Variants in C1QBP observed in about 807,000 individuals in gnomAD.
C1QBP encodes complement C1q binding protein.
A neutral mutation model predicts 29.4 loss-of-function variants in C1QBP; 24 were observed. That is an observed-to-expected ratio of 0.82 (90% CI 0.59 to 1.15). The LOEUF (loss-of-function observed/expected upper bound fraction) is 1.15. C1QBP is among the 50% of genes most tolerant of loss of function. C1QBP has a pLI of 0.00. For missense variants in C1QBP, 337 were observed against 355.8 expected (o/e 0.95, Z 0.43); for synonymous variants, 182 against 149.2 (o/e 1.22, Z -1.60).
rs191918725 is a variant in C1QBP at position 5,435,825 on chromosome 17, C to T, written c.384-859G>A. Reference sequence around the variant, plus strand: ...TGGGCAGATCACGAGGTCAAGAGATCGAGACCATCCTGGCCAACACGATGA... The same window carrying T: ...TGGGCAGATCACGAGGTCAAGAGATTGAGACCATCCTGGCCAACACGATGA... On this transcript the variant is annotated intron_variant, in intron 2 of 5. Transcript: ENST00000225698. Among the ~76,000 whole-genome samples, 1,027 of 140,412 alleles carry T rather than the reference C, an allele frequency of 7.3e-3. 8 individuals carry two copies. The highest frequency in any genetic ancestry group is 0.026 in the African/African-American group (933 of 35,456). The allele number at this position is 140,412 out of a possible 152,430, so 92.1% of individuals were successfully genotyped here. A position where few individuals can be genotyped will look rare whatever the true frequency, so the allele number is the denominator to read the frequency against.
intron 1 of C1QBP, 179 bp from the exon 2 acceptor site, chr17:5,438,452 C>G (rs2151678079): frequency 1.2e-6 from 1 of 845,362 alleles, no homozygotes; most frequent in East Asian, 2.7e-5. Flanking sequence ...GAAGCTGAGC[C>G]TGATTCTGGA....
At position 5,439,098 on chromosome 17, in the gene C1QBP, C is replaced by CAGAT; in HGVS notation, c.-29_-26dup. On this transcript the variant is annotated 5_prime_UTR_variant, in exon 1 of 6. Transcript: ENST00000225698. ...TCGCGGAAACGACTGCGAACACGTG[C>CAGAT]AGATGCAAAGGACAACCCAGGCCTA... is the stretch of plus-strand genomic sequence containing the variant. 1 of 1,540,332 alleles carries CAGAT rather than the reference C, an allele frequency of 6.5e-7. No individual in the cohort carries two copies. The highest frequency in any genetic ancestry group is 1.2e-5 in the South Asian group (1 of 83,836).
In C1QBP at chr17:5,434,804, GCTC is replaced by G. The variant is rs1050612854; in HGVS notation, c.477+66_477+68del. ...TTTTTTTGAAAGACCAAAGAAAAACGCTCCTCCTCTAAGCCCCAGGCACAGCCT... is the reference window on the plus strand; with the variant it reads ...TTTTTTTGAAAGACCAAAGAAAAACGCTCCTCTAAGCCCCAGGCACAGCCT... On this transcript the variant is annotated intron_variant, in intron 3 of 5. Coordinates refer to ENST00000225698, the MANE Select transcript of C1QBP (RefSeq NM_001212.4). 9.8e-5 allele frequency: 136 copies of G among 1,388,066 alleles called. No homozygotes were observed. The East Asian group carries it at 3.0e-3, about 30-fold the overall frequency. 86.0% of individuals were successfully genotyped at this position (1,388,066 alleles called of 1,614,324 possible).
In C1QBP at chr17:5,438,109, A is replaced by C. The variant is rs760230628; in HGVS notation, c.383+14T>G. 9 of 1,610,378 alleles carry C rather than the reference A, an allele frequency of 5.6e-6. No individual in the cohort carries two copies. The highest frequency in any genetic ancestry group is 1.7e-6 in the Non-Finnish European group (2 of 1,178,936). ...AGGGAGTTGCTGCCCTGGGATCCCC[A>C]GACCAGTACTTACTTTTCCCCGGCA... is the stretch of plus-strand genomic sequence containing the variant. On this transcript the variant is annotated intron_variant, in intron 2 of 5. Transcript: ENST00000225698.
chr17:5,435,529 C>T (rs1227138606), intron 2 of C1QBP, among the ~76,000 whole-genome samples: 1 of 151,956 alleles, frequency 6.6e-6, no homozygotes, highest in African/African-American at 2.4e-5. Flanking sequence ...AGAACAAGGG[C>T]TGTAGTAGAG....
In C1QBP at chr17:5,433,349, C is replaced by T. The variant is rs115819590; in HGVS notation, c.643G>A (p.Gly215Ser). ...TTAGTATCCTTCCATTCAGACTCGC[C>T]AGTGGACTGAAAGCTAACTTCCCTG... ...SIREVSFQST[G>S]ESEWKDTNYT... The change falls in exon 5 of 6, where the codon GGC becomes AGC. Residue 215 changes from glycine to serine, a missense_variant. Gly to Ser is a moderately conservative substitution (Grantham distance 56). Coordinates refer to ENST00000225698, the MANE Select transcript of C1QBP (RefSeq NM_001212.4). 30 of 1,614,140 alleles carry T rather than the reference C, an allele frequency of 1.9e-5. No individual in the cohort carries two copies. In the African/African-American group the frequency reaches 3.9e-4, roughly 21 times the overall value.
chr17:5,438,480 T>C (rs1402449290), intron 1 of C1QBP: 1 of 726,276 alleles, frequency 1.4e-6, no homozygotes, highest in Non-Finnish European at 2.2e-6. Context: ...TTTCCAACAA[T>C]GAACGCATTA....
intron 2 of C1QBP, among the ~76,000 whole-genome samples, chr17:5,435,874 C>CAAA (rs200057698): frequency 9.5e-6 from 1 of 105,644 alleles, no homozygotes; most frequent in Admixed American, 1.0e-4. Flanking sequence ...CTAAAAAATA[C>CAAA]AAAAAAAAAA....
chr17:5,435,516 C>CA (rs767351743), intron 2 of C1QBP, among the ~76,000 whole-genome samples: 7 of 152,052 alleles, frequency 4.6e-5, no homozygotes, highest in Middle Eastern at 3.4e-3. Flanking sequence ...GAATGCCTCA[C>CA]AAAGAACAAG....
chr17:5,434,794 A>T, intron 3 of C1QBP, 79 bp downstream of exon 3: 1 of 1,352,038 alleles, frequency 7.4e-7, no homozygotes, highest in Admixed American at 2.0e-5. Flanking sequence ...TTGAAAGACC[A>T]AAGAAAAACG....
Position 5,438,253 on chromosome 17 carries a change from A to T in C1QBP, c.253T>A (p.Phe85Ile). ...TCCTCCTTAATTTCATCACTCAGGA[A>T]ATCAACAAAAGCTTTGTCTCCTAGA... ...HTDGDKAFVDFLSDEIKEERK... is the reference protein window; with the variant it reads ...HTDGDKAFVDILSDEIKEERK... The change falls in exon 2 of 6, where the codon TTC becomes ATC. Residue 85 changes from phenylalanine to isoleucine, a missense_variant. Coordinates refer to ENST00000225698, the MANE Select transcript of C1QBP (RefSeq NM_001212.4). 6.2e-7 allele frequency: 1 copy of T among 1,614,074 alleles called. No individual in the cohort carries two copies. Among genetic ancestry groups the T allele is most frequent in the Non-Finnish European group, 8.5e-7 (1 of 1,179,996 alleles).
chr17:5,439,083 G>A lies in C1QBP; in HGVS notation c.-10C>T. On this transcript the variant is annotated 5_prime_UTR_variant, in exon 1 of 6. Transcript: ENST00000225698. ...GCAGCAGAGGCAGCATCGCGGAAACGACTGCGAACACGTGCAGATGCAAAG... is the reference window on the plus strand; with the variant it reads ...GCAGCAGAGGCAGCATCGCGGAAACAACTGCGAACACGTGCAGATGCAAAG... The A allele has an allele frequency of 6.5e-7, 1 of 1,540,272 alleles. No individual in the cohort carries two copies. The highest frequency in any genetic ancestry group is 8.7e-7 in the Non-Finnish European group (1 of 1,143,246).
intron 2 of C1QBP, among the ~76,000 whole-genome samples, chr17:5,435,736 A>C (rs770806187): frequency 6.6e-6 from 1 of 152,016 alleles, no homozygotes; most frequent in African/African-American, 2.4e-5. Flanking sequence ...ATTCCACACA[A>C]GAGTACATGA....
intron 1 of C1QBP, 141 bp downstream of exon 1, chr17:5,438,701 G>A (rs1361578974): frequency 6.6e-7 from 1 of 1,518,626 alleles, no homozygotes; most frequent in African/African-American, 1.4e-5. Context: ...GGGGAAATAT[G>A]ATCATACGTG....
In C1QBP at chr17:5,434,933, G is replaced by A. The variant is rs1916229761; in HGVS notation, c.417C>T (p.Ile139=). The stretch of plus-strand genomic sequence containing the variant: ...CCTCCTCACCATCAAATGTTGGTGG[G>A]ATGCTGTTGTTAATGTTGAAAGTGA... ...ITVTFNINNS[I]PPTFDGEEEP... is the part of the protein sequence containing the mutation. Residue 139 remains isoleucine, a synonymous_variant, in exon 3 of 6, where the codon ATC becomes ATT. Transcript: ENST00000225698. 4.3e-6 allele frequency: 7 copies of A among 1,614,100 alleles called. No homozygotes were observed. Among genetic ancestry groups the A allele is most frequent in the African/African-American group, 1.3e-5 (1 of 75,034 alleles).
chr17:5,433,678 T>C lies in C1QBP; in HGVS notation c.567A>G (p.Pro189=), dbSNP rs1916174535. 6.2e-7 allele frequency: 1 copy of C among 1,614,044 alleles called. No individual in the cohort carries two copies. Among genetic ancestry groups the C allele is most frequent in the Non-Finnish European group, 8.5e-7 (1 of 1,179,970 alleles). The change falls in exon 4 of 6, where the codon CCA becomes CCG. Residue 189 remains proline (P), a synonymous_variant. Transcript: ENST00000225698. ...ACTCCATCCTGCATACCTCATCCTCTGGATAATGACAGTCCAACACAAGGG... is the reference window on the plus strand; with the variant it reads ...ACTCCATCCTGCATACCTCATCCTCCGGATAATGACAGTCCAACACAAGGG... ...KKALVLDCHY[P]EDEVGQEDEA...
intron 2 of C1QBP, among the ~76,000 whole-genome samples, chr17:5,436,736 T>C (rs1916281014): frequency 6.8e-6 from 1 of 147,168 alleles, no homozygotes; most frequent in Non-Finnish European, 1.5e-5. Flanking sequence ...AAAAGGTAAA[T>C]AGGGTGGGCA....
At chr17:5,438,373 A>ATC in intron 1 of C1QBP, 100 bp from the exon 2 acceptor site, 1 of 1,374,358 alleles carries the variant, frequency 7.3e-7, no homozygotes, top group Non-Finnish European at 9.8e-7. Context: ...ACTGTTTCTA[A>ATC]TCTCTCTGCT....
rs1458619102 is a variant in C1QBP at position 5,433,656 on chromosome 17, C to G, written c.576+13G>C. ...CCAGGGGTGCCAAGAGGCTAGCACT[C>G]CATCCTGCATACCTCATCCTCTGGA... On this transcript the variant is annotated intron_variant, in intron 4 of 5. Transcript: ENST00000225698. 3 of 1,612,460 alleles carry G rather than the reference C, an allele frequency of 1.9e-6. No individual in the cohort carries two copies. In the South Asian group the frequency reaches 3.3e-5, roughly 18 times the overall value.
Sources: allele counts gnomAD v4.1 joint callset (sites outside exome capture counted in the v4.1 genomes callset), GRCh38; gene constraint gnomAD v4.1.1; transcripts MANE v1.5; gene names NCBI Gene and HGNC (gene_info 2026-07-23, HGNC 2026-07-21).